TMEM74B: variants seen among roughly 807,000 people sequenced by gnomAD.
TMEM74B encodes the protein transmembrane protein 74B.
In TMEM74B, 7 loss-of-function variants were observed where a neutral mutation model predicts 6.5. The observed-to-expected ratio is 1.07, with a 90% CI of 0.61 to 2.01. TMEM74B has a LOEUF of 2.01. TMEM74B is among the 30% of genes most tolerant of loss of function. The probability of loss-of-function intolerance (pLI) is 0.00; values close to 1 mark genes in which losing one functional copy is unlikely to be tolerated. For missense variants in TMEM74B, 342 were observed against 337.0 expected (o/e 1.01, Z -0.12); for synonymous variants, 151 against 151.6 (o/e 1.00, Z 0.03).
At chr20:1,183,539 GTC>G (rs1568496443) in intron 2 of TMEM74B, among the ~76,000 whole-genome samples, 2 of 151,838 alleles carry the variant, frequency 1.3e-5, no homozygotes, top group South Asian at 2.1e-4. Flanking sequence ...CTATCACTAC[GTC>G]TCTCTTTCCA....
chr20:1,182,186 G>T (rs1261969510), intron 2 of TMEM74B, among the ~76,000 whole-genome samples: 1 of 150,914 alleles, frequency 6.6e-6, no homozygotes, highest in Non-Finnish European at 1.5e-5. Context: ...GATGACGGAG[G>T]GGTGGGGGAG....
upstream of TMEM74B, chr20:1,185,453 T>C (rs1315491035): frequency 6.8e-6 from 1 of 146,954 alleles, no homozygotes; most frequent in African/African-American, 2.5e-5. Context: ...GGGGGGGGGA[T>C]CCGGGGACGG....
In TMEM74B at chr20:1,184,091, C is replaced by T. The variant is rs539024001; in HGVS notation, c.-147-143G>A. 5 of 393,110 alleles carry T rather than the reference C, an allele frequency of 1.3e-5. No homozygotes were observed. The highest frequency in any genetic ancestry group is 1.4e-3 in the Middle Eastern group (2 of 1,396). The allele number at this position is 393,110 out of a possible 1,614,324, so 24.4% of individuals were successfully genotyped here. ...ATGGGTGCTCAGAAGTGGCCCCCAC[C>T]CACACCCTCAGCACCTTCCACCCAA... On this transcript the variant is annotated intron_variant, in intron 1 of 2. Coordinates refer to ENST00000429036, the MANE Select transcript of TMEM74B (RefSeq NM_001304748.2). This position sits in a 1 kb window ranked among gnomAD's most constrained non-coding sequence, Gnocchi z 6.0.
intron 2 of TMEM74B, among the ~76,000 whole-genome samples, chr20:1,182,341 A>G (rs1021214159): frequency 1.3e-5 from 2 of 151,916 alleles, no homozygotes; most frequent in African/African-American, 4.8e-5. Flanking sequence ...AGGGGAACAG[A>G]CTGCCTCAGA....
chr20:1,182,139 G>A lies in TMEM74B; in HGVS notation c.32-552C>T, dbSNP rs1039885211. Among the ~76,000 whole-genome samples, 8 of 148,538 alleles carry A rather than the reference G, an allele frequency of 5.4e-5. No homozygotes were observed. In the East Asian group the frequency reaches 8.0e-4, roughly 15 times the overall value. Reference sequence around the variant, plus strand: ...ATAAAATAGTGCATGCAAGACCCTGGCCAGTGCAATCCATGGACCTTGTTG... The same window carrying A: ...ATAAAATAGTGCATGCAAGACCCTGACCAGTGCAATCCATGGACCTTGTTG... On this transcript the variant is annotated intron_variant, in intron 2 of 2. Transcript: ENST00000429036.
rs1568494591 is a variant in TMEM74B at position 1,181,596 on chromosome 20, G to A, written c.32-9C>T. 6.9e-7 allele frequency: 1 copy of A among 1,449,808 alleles called. No individual in the cohort carries two copies. Among genetic ancestry groups the A allele is most frequent in the Admixed American group, 2.7e-5 (1 of 37,732 alleles). The allele number at this position is 1,449,808 out of a possible 1,614,324, so 89.8% of individuals were successfully genotyped here. A position where few individuals can be genotyped will look rare whatever the true frequency, so the allele number is the denominator to read the frequency against. On this transcript the variant is annotated splice_polypyrimidine_tract_variant and intron_variant, in intron 2 of 2. Transcript: ENST00000429036. This position sits in a 1 kb window ranked among gnomAD's most constrained non-coding sequence, Gnocchi z 4.9. ...CCTTGGCCCCTTGGCAGCTGGAAGAGAAAAAAGAAAGTCAGTTGAATGTAG... is the reference window on the plus strand; with the variant it reads ...CCTTGGCCCCTTGGCAGCTGGAAGAAAAAAAAGAAAGTCAGTTGAATGTAG...
upstream of TMEM74B, among the ~76,000 whole-genome samples, chr20:1,188,152 T>TAA: frequency 7.0e-6 from 1 of 142,110 alleles, no homozygotes; most frequent in Non-Finnish European, 1.5e-5. Flanking sequence ...TATATATATA[T>TAA]AATACACACA....
At chr20:1,188,155 TACACACACACACACAC>T (rs138460101), upstream of TMEM74B, among the ~76,000 whole-genome samples, 1 of 141,156 alleles carries the variant, frequency 7.1e-6, no homozygotes, top group African/African-American at 2.6e-5. Context: ...ATATATATAA[TACACACACACACACAC>T]ACACACACAC....
Position 1,180,797 on chromosome 20 carries a change from G to A in TMEM74B, c.*51C>T, listed in dbSNP as rs768272313. 6.2e-5 allele frequency: 95 copies of A among 1,522,970 alleles called. No individual in the cohort carries two copies. Among genetic ancestry groups the A allele is most frequent in the Non-Finnish European group, 4.8e-5 (55 of 1,135,232 alleles). The allele number at this position is 1,522,970 out of a possible 1,614,324, so 94.3% of individuals were successfully genotyped here. A position where few individuals can be genotyped will look rare whatever the true frequency, so the allele number is the denominator to read the frequency against. The stretch of plus-strand genomic sequence containing the variant: ...GGGGTCAGGTGGGCGGGAGCAGGGG[G>A]TGGACCTTGTAGCACTGGAGCTAAA... On this transcript the variant is annotated 3_prime_UTR_variant, in exon 3 of 3. Coordinates refer to ENST00000429036, the MANE Select transcript of TMEM74B (RefSeq NM_001304748.2). This position sits in a 1 kb window ranked among gnomAD's most constrained non-coding sequence, Gnocchi z 6.1.
At position 1,181,529 on chromosome 20, in the gene TMEM74B, AC is replaced by A. The variant is rs1568494444; in HGVS notation, c.89del (p.Gly30ValfsTer4). 2 of 1,484,018 alleles carry A rather than the reference AC, an allele frequency of 1.3e-6. No homozygotes were observed. Among genetic ancestry groups the A allele is most frequent in the Non-Finnish European group, 1.8e-6 (2 of 1,120,196 alleles). The allele number at this position is 1,484,018 out of a possible 1,614,324, so 91.9% of individuals were successfully genotyped here. On this transcript the variant is annotated frameshift_variant, in exon 3 of 3. Coordinates refer to ENST00000429036, the MANE Select transcript of TMEM74B (RefSeq NM_001304748.2). LOFTEE classifies it high-confidence loss of function. This position sits in a 1 kb window ranked among gnomAD's most constrained non-coding sequence, Gnocchi z 4.9. ...CATTGCTCAGTGTCTTCAGTTCCAG[AC>A]CAGGGGGAGATGCCATTGGGAAGGA... ...GPSFPMASPP[G>X]LELKTLSNGP...
chr20:1,187,858 G>T (rs1026958187), upstream of TMEM74B, among the ~76,000 whole-genome samples: 1 of 152,178 alleles, frequency 6.6e-6, no homozygotes, highest in Non-Finnish European at 1.5e-5. Flanking sequence ...CAAGTAATTT[G>T]TTCTTTATCC....
At position 1,180,786 on chromosome 20, in the gene TMEM74B, G is replaced by T; in HGVS notation, c.*62C>A. 1 of 1,513,396 alleles carries T rather than the reference G, an allele frequency of 6.6e-7. No homozygotes were observed. Among genetic ancestry groups the T allele is most frequent in the South Asian group, 1.3e-5 (1 of 74,894 alleles). The allele number at this position is 1,513,396 out of a possible 1,614,324, so 93.7% of individuals were successfully genotyped here. The stretch of plus-strand genomic sequence containing the variant: ...GGGCCTTGGCAGGGGTCAGGTGGGC[G>T]GGAGCAGGGGGTGGACCTTGTAGCA... On this transcript the variant is annotated 3_prime_UTR_variant, in exon 3 of 3. Transcript: ENST00000429036. The surrounding 1 kb of genome is among the most constrained non-coding windows in gnomAD (Gnocchi z 6.1).
intron 2 of TMEM74B, 49 bp downstream of exon 2, chr20:1,183,722 G>T (rs200603572): frequency 9.3e-6 from 15 of 1,607,694 alleles, no homozygotes; most frequent in Non-Finnish European, 1.3e-5. Flanking sequence ...GGAGGGTGGA[G>T]GACAGGAGTT....
In TMEM74B at chr20:1,183,858, C is replaced by G. The variant is rs557851443; in HGVS notation, c.-57G>C. The stretch of plus-strand genomic sequence containing the variant: ...CTCACTCATAGACTCTTCATTTTAT[C>G]CAGCTGTTTATCAGCAACCGTGAGC... On this transcript the variant is annotated 5_prime_UTR_variant, in exon 2 of 3. Transcript: ENST00000429036. 1.2e-6 allele frequency: 2 copies of G among 1,606,218 alleles called. No individual in the cohort carries two copies. The highest frequency in any genetic ancestry group is 1.7e-4 in the Middle Eastern group (1 of 6,034).
chr20:1,188,151 A>G (rs1405520317), upstream of TMEM74B, among the ~76,000 whole-genome samples: 1 of 144,696 alleles, frequency 6.9e-6, no homozygotes, highest in Admixed American at 6.9e-5. Context: ...ATATATATAT[A>G]TAATACACAC....
upstream of TMEM74B, among the ~76,000 whole-genome samples, chr20:1,186,997 G>A (rs1002509753): frequency 2.0e-5 from 3 of 152,174 alleles, no homozygotes; most frequent in South Asian, 2.1e-4. Flanking sequence ...ATGAGATACC[G>A]CCTTTAAAGC....
At position 1,180,916 on chromosome 20, in the gene TMEM74B, C is replaced by T. The variant is rs753541003; in HGVS notation, c.703G>A (p.Gly235Ser). 2.5e-6 allele frequency: 4 copies of T among 1,613,668 alleles called. No individual in the cohort carries two copies. The South Asian group carries it at 3.3e-5, about 13-fold the overall frequency. ...ACTTCATTCTCCACCAGGGCCTGGC[C>T]CCCATCCCCATTGAGCTGTCTCATG... is the stretch of plus-strand genomic sequence containing the variant. The part of the protein sequence containing the change: ...LRMRQLNGDG[G>S]QALVENEVVQ... The change falls in exon 3 of 3, where the codon GGC (glycine) becomes AGC (serine). Residue 235 changes from glycine to serine, a missense_variant. Coordinates refer to ENST00000429036, the MANE Select transcript of TMEM74B (RefSeq NM_001304748.2). This position sits in a 1 kb window ranked among gnomAD's most constrained non-coding sequence, Gnocchi z 6.1.
upstream of TMEM74B, chr20:1,185,280 C>G (rs970267834): frequency 3.3e-5 from 5 of 151,540 alleles, no homozygotes; most frequent in African/African-American, 1.2e-4. Context: ...GCGGGGGTCT[C>G]TCTCCTGCGG....
chr20:1,187,048 A>G (rs1332877582), upstream of TMEM74B, among the ~76,000 whole-genome samples: 2 of 152,154 alleles, frequency 1.3e-5, no homozygotes, highest in Non-Finnish European at 2.9e-5. Flanking sequence ...GTCCTACCTC[A>G]GCCTTTGCGC....
Sources: allele counts gnomAD v4.1 joint callset (sites outside exome capture counted in the v4.1 genomes callset), GRCh38; gene constraint gnomAD v4.1.1; non-coding constraint Gnocchi (gnomAD v3.1); transcripts MANE v1.5; gene names NCBI Gene and HGNC (gene_info 2026-07-23, HGNC 2026-07-21).